PSMD1: variants seen among roughly 807,000 people sequenced by gnomAD.
PSMD1 encodes the protein proteasome 26S subunit, non-ATPase 1.
A neutral mutation model predicts 119.0 loss-of-function variants in PSMD1; 18 were observed. That is an observed-to-expected ratio of 0.15 (90% CI 0.10 to 0.22). The LOEUF is 0.22. Among genes scored for constraint, PSMD1 ranks in the 10% least tolerant of loss-of-function variants. PSMD1 has a pLI of 1.00. For synonymous variants in PSMD1, 374 were observed against 396.6 expected, an observed-to-expected ratio of 0.94 and a Z score of 0.68; for missense variants, 702 against 1,158.5, an observed-to-expected ratio of 0.61 and a Z score of 5.72.
chr2:231,117,610 G>A (rs1354140410), intron 16 of PSMD1, among the ~76,000 whole-genome samples: 2 of 152,056 alleles, frequency 1.3e-5, no homozygotes, highest in Non-Finnish European at 2.9e-5. Flanking sequence ...TGTTTAAAAT[G>A]AAGACTGCTT....
chr2:231,153,527 T>C, intron 18 of PSMD1, 37 bp from the exon 19 acceptor site: 1 of 1,398,466 alleles, frequency 7.2e-7, no homozygotes, highest in African/African-American at 1.4e-5. Flanking sequence ...CGCAAATGAG[T>C]AGACTTAGAC....
rs1273059247 is a variant in PSMD1 at position 231,139,577 on chromosome 2, AAG to A, written c.1998+729_1998+730del. On this transcript the variant is annotated intron_variant, in intron 17 of 24. Transcript: ENST00000308696. ...ATTTCTTAAAAAAAAAAAAAAAAAG[AAG>A]AAGAAGAAGAAGAAAATAAAATAGT... Among the ~76,000 whole-genome samples, 936 of 128,574 alleles carry A rather than the reference AAG, an allele frequency of 7.3e-3. 17 individuals carry two copies. Among genetic ancestry groups the A allele is most frequent in the African/African-American group, 0.027 (901 of 33,844 alleles). The allele number at this position is 128,574 out of a possible 152,430, so 84.3% of individuals were successfully genotyped here.
chr2:231,165,034 T>TTATATATATATA (rs66656378), intron 21 of PSMD1, 166 bp from the exon 22 acceptor site: 10 of 21,834 alleles, frequency 4.6e-4, no homozygotes, highest in Admixed American at 6.4e-4. Context: ...TTATATATAT[T>TTATATATATATA]TATATATATA....
intron 19 of PSMD1, among the ~76,000 whole-genome samples, chr2:231,160,581 AAC>A (rs1430160507): frequency 3.3e-5 from 5 of 152,216 alleles, no homozygotes; most frequent in African/African-American, 1.2e-4. Flanking sequence ...GAAAGAGTAA[AAC>A]TAAGCAAACT....
intron 19 of PSMD1, among the ~76,000 whole-genome samples, chr2:231,154,086 C>T (rs770156409): frequency 6.6e-6 from 1 of 151,166 alleles, no homozygotes; most frequent in African/African-American, 2.4e-5. Context: ...GCACTCCAGC[C>T]GGGGCAACAA....
At chr2:231,076,304 T>C (rs1452524237) in intron 8 of PSMD1, among the ~76,000 whole-genome samples, 1 of 152,242 alleles carries the variant, frequency 6.6e-6, no homozygotes, top group East Asian at 1.9e-4. Flanking sequence ...TTTTGGTTCC[T>C]GATGCTCAGG....
chr2:231,113,878 T>G, intron 16 of PSMD1: 1 of 1,613,976 alleles, frequency 6.2e-7, no homozygotes, highest in Non-Finnish European at 8.5e-7. Context: ...AAAGAGAACG[T>G]CAAGAAATAA....
In PSMD1 at chr2:231,141,035, C is replaced by T. The variant is rs140068261; in HGVS notation, c.1998+2185C>T. ...AATACAAAAATTAACCTGCTGGGCG[C>T]GGTGGCTCACACCTGTAATCCCAGC... On this transcript the variant is annotated intron_variant, in intron 17 of 24. Transcript: ENST00000308696. Among the ~76,000 whole-genome samples, 561 of 151,590 alleles carry T rather than the reference C, an allele frequency of 3.7e-3. 3 individuals are homozygous for T. The East Asian group carries it at 0.048, about 13-fold the overall frequency.
At chr2:231,103,964 G>T (rs541397252) in intron 16 of PSMD1, among the ~76,000 whole-genome samples, 11 of 152,186 alleles carry the variant, frequency 7.2e-5, no homozygotes, top group African/African-American at 9.6e-5. Context: ...TCCAGAGTGG[G>T]TTCTTTGTGT....
chr2:231,109,430 A>G (rs1401170133), intron 16 of PSMD1: 1 of 1,606,558 alleles, frequency 6.2e-7, no homozygotes, highest in Non-Finnish European at 8.5e-7. Flanking sequence ...GGAAAACAAG[A>G]TAAATTGAGT....
At chr2:231,092,050 G>C (rs983989081) in intron 16 of PSMD1, among the ~76,000 whole-genome samples, 9 of 152,186 alleles carry the variant, frequency 5.9e-5, no homozygotes, top group Non-Finnish European at 1.3e-4. Flanking sequence ...AAAGGTAGCT[G>C]TTTTTACAGA....
chr2:231,123,656 C>G (rs980788559), intron 16 of PSMD1: 3 of 1,613,772 alleles, frequency 1.9e-6, no homozygotes, highest in Non-Finnish European at 2.5e-6. Flanking sequence ...GGTATTGATT[C>G]TGTCTGTAAT....
chr2:231,130,268 T>C (rs965747316), intron 16 of PSMD1, among the ~76,000 whole-genome samples: 1 of 152,224 alleles, frequency 6.6e-6, no homozygotes, highest in Non-Finnish European at 1.5e-5. Flanking sequence ...TAAGTAAATA[T>C]ACTTTTTTCT....
At chr2:231,105,536 T>C (rs1694954425) in intron 16 of PSMD1, among the ~76,000 whole-genome samples, 1 of 152,020 alleles carries the variant, frequency 6.6e-6, no homozygotes, top group African/African-American at 2.4e-5. Context: ...AAATTGATAA[T>C]CTGATATGGA....
chr2:231,097,767 G>C (rs959072506), intron 16 of PSMD1, among the ~76,000 whole-genome samples: 2 of 152,104 alleles, frequency 1.3e-5, no homozygotes, highest in Non-Finnish European at 2.9e-5. Context: ...AAGACCCATA[G>C]GGGGCTTCTC....
chr2:231,087,226 T>C, intron 16 of PSMD1, 45 bp downstream of exon 16: 3 of 1,549,264 alleles, frequency 1.9e-6, no homozygotes, highest in Non-Finnish European at 2.7e-6. Context: ...TCATTTTTTT[T>C]GGAAATGTAG....
At chr2:231,155,497 CCT>C (rs1696464797) in intron 19 of PSMD1, among the ~76,000 whole-genome samples, 1 of 113,984 alleles carries the variant, frequency 8.8e-6, no homozygotes, top group Non-Finnish European at 1.6e-5. Context: ...CCTCATATGG[CCT>C]CTTTCTTTAA....
chr2:231,171,737 G>A (rs193288105), intron 24 of PSMD1, among the ~76,000 whole-genome samples: 5 of 151,954 alleles, frequency 3.3e-5, no homozygotes, highest in Non-Finnish European at 7.4e-5. Flanking sequence ...TGTATTTTTA[G>A]TAGTGACAGG....
intron 19 of PSMD1, among the ~76,000 whole-genome samples, chr2:231,160,693 A>G (rs925831200): frequency 7.2e-5 from 11 of 152,218 alleles, no homozygotes; most frequent in Non-Finnish European, 1.5e-5. Context: ...ATTAATACTT[A>G]ATTTAGCATC....
Sources: allele counts gnomAD v4.1 joint callset (sites outside exome capture counted in the v4.1 genomes callset), GRCh38; gene constraint gnomAD v4.1.1; transcripts MANE v1.5; gene names NCBI Gene and HGNC (gene_info 2026-07-23, HGNC 2026-07-21).